The following VRK1 variants were observed in gnomAD, a reference collection of about 807,000 sequenced individuals.
The protein encoded by VRK1 is VRK serine/threonine kinase 1.
A neutral mutation model predicts 57.1 loss-of-function variants in VRK1; 33 were observed. The ratio of observed to expected loss-of-function variants is 0.58; its 90% CI spans 0.44 to 0.77. The LOEUF is 0.77. Ranked by LOEUF, VRK1 falls within the 30% of genes least tolerant of loss-of-function variation. The pLI is 0.00. For synonymous variants in VRK1, 137 were observed against 147.8 expected, an observed-to-expected ratio of 0.93 and a Z score of 0.53; for missense variants, 413 against 477.3, an observed-to-expected ratio of 0.87 and a Z score of 1.25.
chr14:96,809,694 T>G (rs1429314182), intron 1 of VRK1, among the ~76,000 whole-genome samples: 1 of 151,708 alleles, frequency 6.6e-6, no homozygotes, highest in East Asian at 1.9e-4. Context: ...TGCCTCAGTC[T>G]CACAAATAGC....
intron 7 of VRK1, 78 bp downstream of exon 7, chr14:96,853,244 C>T: frequency 7.7e-7 from 1 of 1,306,770 alleles, no homozygotes; most frequent in Non-Finnish European, 1.1e-6. Context: ...ACTTTTGAAC[C>T]TGTGTAGAAG....
chr14:96,822,092 TTC>T lies in VRK1; in HGVS notation c.-5-11374_-5-11373del, dbSNP rs1886625998. On this transcript the variant is annotated intron_variant, in intron 1 of 12. Transcript: ENST00000216639. ...TCCCTGTCCCTGCCTTTTTTTTTTT[TTC>T]CTTAGCCCTTATACCATTGGACATA... is the stretch of plus-strand genomic sequence containing the variant. 2.0e-5 allele frequency among the ~76,000 whole-genome samples: 3 copies of T among 152,068 alleles called. No individual in the cohort carries two copies. The South Asian group carries it at 6.2e-4, about 32-fold the overall frequency.
intron 2 of VRK1, among the ~76,000 whole-genome samples, chr14:96,834,291 C>T (rs907173225): frequency 1.3e-5 from 2 of 152,166 alleles, no homozygotes; most frequent in Admixed American, 6.6e-5. Flanking sequence ...TGTGTTCTCA[C>T]TCTACTTCCA....
intron 1 of VRK1, among the ~76,000 whole-genome samples, chr14:96,800,147 A>G (rs867215232): frequency 2.6e-5 from 4 of 152,142 alleles, no homozygotes; most frequent in Admixed American, 1.3e-4. Flanking sequence ...TTTTTACTCT[A>G]GGATAAGTTT....
At chr14:96,879,336 A>G (rs1049910016) in intron 12 of VRK1, among the ~76,000 whole-genome samples, 1 of 152,282 alleles carries the variant, frequency 6.6e-6, no homozygotes, top group South Asian at 2.1e-4. Context: ...TGATTATATA[A>G]TAAATTCCAG....
At chr14:96,838,977 A>G (rs1033720411) in intron 3 of VRK1, among the ~76,000 whole-genome samples, 2 of 151,670 alleles carry the variant, frequency 1.3e-5, no homozygotes, top group African/African-American at 2.4e-5. Context: ...TGTAATCCTC[A>G]CCTCTTAAAA....
At chr14:96,860,349 C>T (rs2139814195) in intron 10 of VRK1, among the ~76,000 whole-genome samples, 1 of 151,970 alleles carries the variant, frequency 6.6e-6, no homozygotes, top group East Asian at 1.9e-4. Context: ...GTGTGTTTTA[C>T]ATTGTATCTC....
intron 11 of VRK1, among the ~76,000 whole-genome samples, chr14:96,871,153 T>C (rs1888805882): frequency 1.3e-5 from 2 of 152,240 alleles, no homozygotes; most frequent in South Asian, 4.1e-4. Context: ...TTTCATGGTA[T>C]TGTAAGGGTG....
chr14:96,849,045 A>G (rs1167018912), intron 5 of VRK1, among the ~76,000 whole-genome samples: 1 of 152,156 alleles, frequency 6.6e-6, no homozygotes, highest in East Asian at 1.9e-4. Context: ...GAGAGAAGGA[A>G]ATAAACTTGG....
chr14:96,872,746 A>G (rs1454732935), intron 11 of VRK1, among the ~76,000 whole-genome samples: 1 of 152,202 alleles, frequency 6.6e-6, no homozygotes, highest in Non-Finnish European at 1.5e-5. Flanking sequence ...AACTAAATCT[A>G]TTAGTTTCAT....
chr14:96,863,589 G>A (rs1888470630), intron 11 of VRK1, among the ~76,000 whole-genome samples: 2 of 152,146 alleles, frequency 1.3e-5, no homozygotes, highest in Non-Finnish European at 2.9e-5. Context: ...AAGTCGTTGA[G>A]TAAGGTCTAG....
intron 11 of VRK1, among the ~76,000 whole-genome samples, chr14:96,861,742 T>C (rs1391370437): frequency 6.6e-6 from 1 of 152,206 alleles, no homozygotes; most frequent in African/African-American, 2.4e-5. Flanking sequence ...ATTATATACA[T>C]GCATCTACAT....
At chr14:96,848,577 T>G (rs963824508) in intron 5 of VRK1, among the ~76,000 whole-genome samples, 1 of 152,218 alleles carries the variant, frequency 6.6e-6, no homozygotes, top group African/African-American at 2.4e-5. Flanking sequence ...CATTTTATTT[T>G]ATATGGTTTT....
chr14:96,834,188 A>G (rs921847351), intron 2 of VRK1, among the ~76,000 whole-genome samples: 4 of 152,196 alleles, frequency 2.6e-5, no homozygotes, highest in African/African-American at 7.2e-5. Context: ...TAACTAAATT[A>G]TGGACTTAAA....
chr14:96,872,090 C>T (rs1041097920), intron 11 of VRK1, among the ~76,000 whole-genome samples: 4 of 152,206 alleles, frequency 2.6e-5, no homozygotes, highest in Non-Finnish European at 4.4e-5. Flanking sequence ...TAGGCGTGAG[C>T]TACTGCGCCG....
Position 96,829,725 on chromosome 14 carries a change from G to C in VRK1, c.-5-3742G>C, listed in dbSNP as rs891711848. On this transcript the variant is annotated intron_variant, in intron 1 of 12. Coordinates refer to ENST00000216639, the MANE Select transcript of VRK1 (RefSeq NM_003384.3). ...ATTTCTGGAAAGTTGCCTTTTTTGC[G>C]TATGTTATCCCATTTTTTGATAGTT... is the stretch of plus-strand genomic sequence containing the variant. Among the ~76,000 whole-genome samples, 3 of 152,014 alleles carry C rather than the reference G, an allele frequency of 2.0e-5. No individual in the cohort carries two copies. The South Asian group carries it at 6.2e-4, about 32-fold the overall frequency.
chr14:96,824,855 A>G (rs1268295879), intron 1 of VRK1, among the ~76,000 whole-genome samples: 2 of 151,786 alleles, frequency 1.3e-5, no homozygotes, highest in African/African-American at 4.8e-5. Context: ...GGATTTCACC[A>G]TGTTAGCCAG....
chr14:96,851,560 G>C (rs1001769905), intron 5 of VRK1, among the ~76,000 whole-genome samples: 8 of 152,172 alleles, frequency 5.3e-5, no homozygotes, highest in African/African-American at 1.9e-4. Context: ...GTTCAAAAAT[G>C]AATAGAATTC....
intron 1 of VRK1, among the ~76,000 whole-genome samples, chr14:96,800,188 A>G (rs1255427797): frequency 2.0e-5 from 3 of 152,088 alleles, no homozygotes; most frequent in South Asian, 2.1e-4. Context: ...CTGTGAATAT[A>G]TTTCTACTTG....
Sources: gnomAD v4.1 joint callset for allele counts (sites outside exome capture counted in the v4.1 genomes callset) on GRCh38, gnomAD v4.1.1 for gene constraint, MANE v1.5 for transcripts, NCBI Gene and HGNC (gene_info 2026-07-23, HGNC 2026-07-21) for gene names.